Variants in MAPK8 observed in about 807,000 individuals in gnomAD.
The protein encoded by MAPK8 is mitogen-activated protein kinase 8, also known as JUN N-terminal kinase.
MAPK8 carries 13 observed loss-of-function variants against 52.9 expected under a neutral mutation model. The ratio of observed to expected loss-of-function variants is 0.25; its 90% CI spans 0.16 to 0.39. The LOEUF (loss-of-function observed/expected upper bound fraction) is 0.39, where lower values mean the gene tolerates loss of function less well. Among genes scored for constraint, MAPK8 ranks in the 10% least tolerant of loss-of-function variants. The pLI is 1.00. For synonymous variants in MAPK8, 191 were observed against 169.8 expected, an observed-to-expected ratio of 1.12 and a Z score of -0.97; for missense variants, 300 against 519.2, an observed-to-expected ratio of 0.58 and a Z score of 4.10.
intron 5 of MAPK8, among the ~76,000 whole-genome samples, chr10:48,411,152 C>G (rs2042726769): frequency 6.6e-6 from 1 of 152,168 alleles, no homozygotes. Flanking sequence ...TTTATTTCAT[C>G]ACTTGTGCTT....
intron 1 of MAPK8, among the ~76,000 whole-genome samples, chr10:48,321,944 A>G (rs1249350920): frequency 6.6e-6 from 1 of 152,188 alleles, no homozygotes; most frequent in Non-Finnish European, 1.5e-5. Context: ...GTATATTTAT[A>G]TATAGATACA....
intron 2 of MAPK8, among the ~76,000 whole-genome samples, chr10:48,403,604 G>A (rs748094833): frequency 9.9e-5 from 15 of 152,058 alleles, no homozygotes; most frequent in East Asian, 5.8e-4. Context: ...TTTGTAAGCC[G>A]TTTTGACTGG....
At chr10:48,403,933 G>GTGTA (rs1169288290) in intron 2 of MAPK8, among the ~76,000 whole-genome samples, 1 of 150,180 alleles carries the variant, frequency 6.7e-6, no homozygotes, top group Non-Finnish European at 1.5e-5. Context: ...GTGTGTGTGT[G>GTGTA]TGTGTGTGTG....
At position 48,431,214 on chromosome 10, in the gene MAPK8, T is replaced by C. The variant is rs371493413; in HGVS notation, c.1082T>C (p.Met361Thr). 4.3e-6 allele frequency: 7 copies of C among 1,611,006 alleles called. No individual in the cohort carries two copies. Among genetic ancestry groups the C allele is most frequent in the African/African-American group, 1.3e-5 (1 of 74,878 alleles). ...EWKELIYKEV[M>T]DLEERTKNGV... ...ACAGAATTGATATATAAGGAAGTTA[T>C]GGACTTGGAGGAGAGAACCAAGAAT... Residue 361 changes from methionine (M) to threonine (T), a missense_variant, in exon 11 of 12, where the codon ATG (methionine) becomes ACG (threonine). Transcript: ENST00000374189.
Position 48,420,192 on chromosome 10 carries a change from G to T in MAPK8, c.488G>T (p.Cys163Phe), listed in dbSNP as rs1220824711. The part of the protein sequence containing the change: ...KPSNIVVKSD[C>F]TLKILDFGLA... ...AGTAATATAGTAGTAAAATCTGATTGCACTTTGAAGATTCTTGACTTCGGT... is the reference window on the plus strand; with the variant it reads ...AGTAATATAGTAGTAAAATCTGATTTCACTTTGAAGATTCTTGACTTCGGT... Residue 163 changes from cysteine (C) to phenylalanine (F), a missense_variant, in exon 6 of 12, where the codon TGC becomes TTC. Cys to Phe is a radical substitution (Grantham distance 205, BLOSUM62 -2). Around this residue, in one of 3 missense-constraint regions of MAPK8, gnomAD observed 147 missense variants for 328.1 expected, o/e 0.45. Transcript: ENST00000374189. 1 of 1,613,532 alleles carries T rather than the reference G, an allele frequency of 6.2e-7. No individual in the cohort carries two copies.
chr10:48,392,391 G>A lies in MAPK8; in HGVS notation c.-49-9221G>A, dbSNP rs188608319. Among the ~76,000 whole-genome samples the A allele has an allele frequency of 2.4e-4, 37 of 152,170 alleles. No individual in the cohort carries two copies. In the East Asian group the frequency reaches 5.6e-3, roughly 23 times the overall value. On this transcript the variant is annotated intron_variant, in intron 1 of 11. Transcript: ENST00000374189. ...AAGGTATATGGGAGTTAAGAGCCGG[G>A]AGCTGTGGATGAAAACCTATATATA...
intron 10 of MAPK8, 46 bp downstream of exon 10, chr10:48,427,189 G>A: frequency 2.8e-6 from 4 of 1,413,976 alleles, no homozygotes; most frequent in Non-Finnish European, 4.0e-6. Context: ...AGGAGCTTCT[G>A]GTTTTTATAT....
chr10:48,414,996 A>T (rs1254516726), intron 5 of MAPK8, among the ~76,000 whole-genome samples: 2 of 152,180 alleles, frequency 1.3e-5, no homozygotes, highest in African/African-American at 4.8e-5. Context: ...TTCACAGTAT[A>T]AGACAATTAT....
chr10:48,388,111 G>A (rs2041419442), intron 1 of MAPK8, among the ~76,000 whole-genome samples: 2 of 152,104 alleles, frequency 1.3e-5, no homozygotes, highest in African/African-American at 2.4e-5. Context: ...CATGGTATAG[G>A]TAGGGAATTC....
Position 48,401,442 on chromosome 10 carries a change from A to AT in MAPK8, c.-49-169dup, listed in dbSNP as rs1289256707. 5.9e-5 allele frequency among the ~76,000 whole-genome samples: 9 copies of AT among 152,262 alleles called. No homozygotes were observed. The East Asian group carries it at 1.7e-3, about 29-fold the overall frequency. ...AAAAACTATCAGTCATTCATATGGC[A>AT]TATGCTAATCAAGGCTCTGCGGTAT... On this transcript the variant is annotated intron_variant, in intron 1 of 11. Transcript: ENST00000374189.
intron 5 of MAPK8, among the ~76,000 whole-genome samples, chr10:48,417,067 C>T (rs1806589110): frequency 6.6e-6 from 1 of 152,082 alleles, no homozygotes; most frequent in Non-Finnish European, 1.5e-5. Context: ...GGCCTCTACC[C>T]ACTAGATGCC....
chr10:48,354,241 A>T (rs999957209), intron 1 of MAPK8, among the ~76,000 whole-genome samples: 4 of 152,244 alleles, frequency 2.6e-5, no homozygotes, highest in Non-Finnish European at 5.9e-5. Context: ...AAGGGAAGGT[A>T]CAGGATGTCT....
intron 1 of MAPK8, among the ~76,000 whole-genome samples, chr10:48,369,558 A>G (rs966378735): frequency 9.9e-5 from 15 of 152,200 alleles, no homozygotes; most frequent in Admixed American, 1.3e-4. Context: ...TCAATAGTAG[A>G]TACATATTTG....
chr10:48,395,859 T>C (rs1044433189), intron 1 of MAPK8, among the ~76,000 whole-genome samples: 1 of 152,094 alleles, frequency 6.6e-6, no homozygotes, highest in Non-Finnish European at 1.5e-5. Context: ...TTGACAAAGA[T>C]GCAAAAGTAA....
At chr10:48,420,681 A>G (rs914820326) in intron 6 of MAPK8, among the ~76,000 whole-genome samples, 2 of 152,198 alleles carry the variant, frequency 1.3e-5, no homozygotes, top group Admixed American at 1.3e-4. Flanking sequence ...AGTGTACATC[A>G]GTGATATTTG....
chr10:48,421,745 A>T lies in MAPK8; in HGVS notation c.616+1425A>T, dbSNP rs558423853. ...CTTGAACCCGGGAGGTGGAGGTTAC[A>T]GTGAGCCGAGATTGCACCACTGCAT... On this transcript the variant is annotated intron_variant, in intron 6 of 11. Coordinates refer to ENST00000374189, the MANE Select transcript of MAPK8 (RefSeq NM_001323329.2). Among the ~76,000 whole-genome samples, 5 of 152,292 alleles carry T rather than the reference A, an allele frequency of 3.3e-5. No individual in the cohort carries two copies. In the South Asian group the frequency reaches 1.0e-3, roughly 32 times the overall value.
chr10:48,349,667 A>G (rs1244166935), intron 1 of MAPK8, among the ~76,000 whole-genome samples: 1 of 152,190 alleles, frequency 6.6e-6, no homozygotes, highest in Non-Finnish European at 1.5e-5. Context: ...AGGAGAAAGC[A>G]GGAAAGATCT....
chr10:48,312,756 A>G (rs368306755), intron 1 of MAPK8, among the ~76,000 whole-genome samples: 1 of 152,218 alleles, frequency 6.6e-6, no homozygotes, highest in African/African-American at 2.4e-5. Flanking sequence ...CAAAGCATCT[A>G]GCTTTGGCTG....
Position 48,435,449 on chromosome 10 carries a change from A to T in MAPK8, c.*420A>T, listed in dbSNP as rs1421331028. The T allele has an allele frequency of 6.5e-6, 1 of 152,894 alleles. No individual in the cohort carries two copies. The highest frequency in any genetic ancestry group is 1.5e-5 in the Non-Finnish European group (1 of 68,924). 9.5% of individuals were successfully genotyped at this position (152,894 alleles called of 1,614,324 possible). A position where few individuals can be genotyped will look rare whatever the true frequency, so the allele number is the denominator to read the frequency against. On this transcript the variant is annotated 3_prime_UTR_variant, in exon 12 of 12. Transcript: ENST00000374189. ...TTTTTTTAATTAGAATTTATTTCAG[A>T]TGTTTTGTTCATGATACTATCCTTC...
Sources: gnomAD v4.1 joint callset for allele counts (sites outside exome capture counted in the v4.1 genomes callset) on GRCh38, gnomAD v4.1.1 for gene constraint, gnomAD v4.1.1 regional missense constraint, MANE v1.5 for transcripts, NCBI Gene and HGNC (gene_info 2026-07-23, HGNC 2026-07-21) for gene names.